Variants in SLC13A1 observed in about 807,000 individuals in gnomAD.
The protein encoded by SLC13A1 is Na(+)/sulfate cotransporter.
A neutral mutation model predicts 70.0 loss-of-function variants in SLC13A1; 65 were observed. The observed-to-expected ratio is 0.93, with a 90% CI of 0.76 to 1.14. The LOEUF (loss-of-function observed/expected upper bound fraction) is 1.14. Ranked by LOEUF, SLC13A1 falls within the 50% of genes most tolerant of loss-of-function variation. The probability of loss-of-function intolerance (pLI) is 0.00; values close to 1 mark genes in which losing one functional copy is unlikely to be tolerated. For missense variants in SLC13A1, 726 were observed against 717.8 expected (o/e 1.01, Z -0.13); for synonymous variants, 275 against 250.5 (o/e 1.10, Z -0.92).
chr7:123,129,998 C>T (rs76503057), intron 8 of SLC13A1, among the ~76,000 whole-genome samples: 6,941 of 152,222 alleles, frequency 0.046, 246 homozygotes, highest in East Asian at 0.092. Flanking sequence ...TACCTCTGAA[C>T]ATACACAGTA....
At chr7:123,187,835 G>C (rs957986929) in intron 1 of SLC13A1, among the ~76,000 whole-genome samples, 6 of 151,928 alleles carry the variant, frequency 3.9e-5, no homozygotes, top group Non-Finnish European at 8.8e-5. Context: ...ACTGATGTTT[G>C]TTTGGATTTT....
At chr7:123,163,299 A>G (rs543318247) in intron 6 of SLC13A1, among the ~76,000 whole-genome samples, 1 of 152,082 alleles carries the variant, frequency 6.6e-6, no homozygotes, top group South Asian at 2.1e-4. Flanking sequence ...AGCTACTTTT[A>G]GGGGGTAATG....
In SLC13A1 at chr7:123,119,185, C is replaced by T; in HGVS notation, c.1408G>A (p.Ala470Thr). Residue 470 changes from alanine (A) to threonine (T), a missense_variant, in exon 13 of 15, where the codon GCA becomes ACA. Coordinates refer to ENST00000194130, the MANE Select transcript of SLC13A1 (RefSeq NM_022444.4). Reference protein sequence around the residue: ...NKLSPLGSLPAWLIILISSLM... With the variant: ...NKLSPLGSLPTWLIILISSLM... ...GAAGATATCAGAATTATTAGCCATG[C>T]TGGTAATGAACCCAGAGGAGATAAT... 6.2e-7 allele frequency: 1 copy of T among 1,612,660 alleles called. No individual in the cohort carries two copies. Among genetic ancestry groups the T allele is most frequent in the South Asian group, 1.1e-5 (1 of 91,032 alleles).
intron 4 of SLC13A1, 121 bp from the exon 5 acceptor site, chr7:123,168,682 C>G: frequency 2.9e-6 from 2 of 688,608 alleles, no homozygotes; most frequent in South Asian, 3.9e-5. Context: ...TCACTGTGTA[C>G]TAACATAACA....
chr7:123,127,242 C>T (rs1793591182), intron 10 of SLC13A1, among the ~76,000 whole-genome samples: 2 of 152,194 alleles, frequency 1.3e-5, no homozygotes, highest in Non-Finnish European at 2.9e-5. Flanking sequence ...ATTGTTTTCT[C>T]TCAGAATTGT....
At chr7:123,149,444 C>T (rs1216787985) in intron 6 of SLC13A1, 1 of 456,276 alleles carries the variant, frequency 2.2e-6, no homozygotes. Flanking sequence ...TCTATCTCAC[C>T]TTGTTAAGTA....
In SLC13A1 at chr7:123,129,531, T is replaced by A. The variant is rs28364203; in HGVS notation, c.933-50A>T. The A allele has an allele frequency of 7.1e-4, 959 of 1,345,796 alleles. 13 individuals carry two copies. In the East Asian group the frequency reaches 0.02, roughly 28 times the overall value. The allele number at this position is 1,345,796 out of a possible 1,614,324, so 83.4% of individuals were successfully genotyped here. A position where few individuals can be genotyped will look rare whatever the true frequency, so the allele number is the denominator to read the frequency against. On this transcript the variant is annotated intron_variant, in intron 8 of 14. Transcript: ENST00000194130. ...AGCAAGAAATTCTTTTACTACCACC[T>A]CCCTGTAAGGAAGATATTTTTGTAA...
At chr7:123,178,160 ACTTTAGATTT>A (rs1397881483) in intron 2 of SLC13A1, among the ~76,000 whole-genome samples, 3 of 152,106 alleles carry the variant, frequency 2.0e-5, no homozygotes, top group African/African-American at 7.2e-5. Context: ...TACTCTAAAT[ACTTTAGATTT>A]CTGGTTTAGT....
intron 12 of SLC13A1, among the ~76,000 whole-genome samples, chr7:123,122,727 C>G (rs1793425713): frequency 6.6e-6 from 1 of 151,882 alleles, no homozygotes; most frequent in Non-Finnish European, 1.5e-5. Context: ...TCATGATATA[C>G]TGAAGTCCAA....
At chr7:123,189,514 A>ATAG (rs1795931172) in intron 1 of SLC13A1, among the ~76,000 whole-genome samples, 1 of 152,156 alleles carries the variant, frequency 6.6e-6, no homozygotes, top group Non-Finnish European at 1.5e-5. Context: ...AATTGCCTTA[A>ATAG]TAGTGTTAGA....
chr7:123,174,154 G>C (rs1387617973), intron 2 of SLC13A1, among the ~76,000 whole-genome samples: 1 of 151,866 alleles, frequency 6.6e-6, no homozygotes, highest in East Asian at 1.9e-4. Context: ...TCAACTTTAT[G>C]GGACTAAAAT....
In SLC13A1 at chr7:123,168,364, A is replaced by G; in HGVS notation, c.660+10T>C. On this transcript the variant is annotated intron_variant, in intron 6 of 14. Transcript: ENST00000194130. Reference sequence around the variant, plus strand: ...TATATAATTATTTAGAAAGAATCAAATTTATGTACCTTTTCCAACTCCACC... The same window carrying G: ...TATATAATTATTTAGAAAGAATCAAGTTTATGTACCTTTTCCAACTCCACC... 1.3e-6 allele frequency: 2 copies of G among 1,541,988 alleles called. No homozygotes were observed. Among genetic ancestry groups the G allele is most frequent in the Non-Finnish European group, 1.8e-6 (2 of 1,123,570 alleles).
At position 123,132,206 on chromosome 7, in the gene SLC13A1, T is replaced by C. The variant is rs542748279; in HGVS notation, c.932+2204A>G. On this transcript the variant is annotated intron_variant, in intron 8 of 14. Transcript: ENST00000194130. ...TGCTCCCACAATCTGGATAGAATTA[T>C]CTTTTTAATCATCAGTACCATCTTC... 2.0e-5 allele frequency among the ~76,000 whole-genome samples: 3 copies of C among 152,270 alleles called. No individual in the cohort carries two copies. In the South Asian group the frequency reaches 6.2e-4, roughly 32 times the overall value.
At chr7:123,171,025 A>G (rs767728777) in intron 3 of SLC13A1, among the ~76,000 whole-genome samples, 6 of 152,170 alleles carry the variant, frequency 3.9e-5, no homozygotes, top group Non-Finnish European at 8.8e-5. Flanking sequence ...TACGCCCTAG[A>G]ATGAATTATG....
At chr7:123,120,157 G>A (rs1162533839) in intron 12 of SLC13A1, among the ~76,000 whole-genome samples, 1 of 151,710 alleles carries the variant, frequency 6.6e-6, no homozygotes, top group East Asian at 1.9e-4. Flanking sequence ...TGTTGTTCTG[G>A]GACCCCTTTT....
At chr7:123,130,150 C>T (rs890057794) in intron 8 of SLC13A1, among the ~76,000 whole-genome samples, 3 of 152,074 alleles carry the variant, frequency 2.0e-5, no homozygotes, top group Non-Finnish European at 4.4e-5. Context: ...CTAAACTAAG[C>T]CTAGTCTTAG....
At chr7:123,175,644 G>A (rs979045010) in intron 2 of SLC13A1, among the ~76,000 whole-genome samples, 3 of 152,112 alleles carry the variant, frequency 2.0e-5, no homozygotes, top group African/African-American at 7.2e-5. Context: ...ATCTGCCAGT[G>A]CCTTGATCTT....
At position 123,176,153 on chromosome 7, in the gene SLC13A1, C is replaced by T. The variant is rs146817380; in HGVS notation, c.229-4249G>A. Among the ~76,000 whole-genome samples, 1,268 of 152,310 alleles carry T rather than the reference C, an allele frequency of 8.3e-3. 18 individuals carry two copies. Among genetic ancestry groups the T allele is most frequent in the African/African-American group, 0.028 (1,177 of 41,564 alleles). Reference sequence around the variant, plus strand: ...CTCAATAGACCATGCAAACAAACTACAGCCTGCAGTCCAAATAAAATTAGT... The same window carrying T: ...CTCAATAGACCATGCAAACAAACTATAGCCTGCAGTCCAAATAAAATTAGT... On this transcript the variant is annotated intron_variant, in intron 2 of 14. Coordinates refer to ENST00000194130, the MANE Select transcript of SLC13A1 (RefSeq NM_022444.4).
At chr7:123,195,021 A>G (rs1415089951) in intron 1 of SLC13A1, among the ~76,000 whole-genome samples, 2 of 152,160 alleles carry the variant, frequency 1.3e-5, no homozygotes, top group African/African-American at 4.8e-5. Flanking sequence ...TATTTGTCAT[A>G]CTATATAATG....
Sources: gnomAD v4.1 joint callset for allele counts (sites outside exome capture counted in the v4.1 genomes callset) on GRCh38, gnomAD v4.1.1 for gene constraint, MANE v1.5 for transcripts, NCBI Gene and HGNC (gene_info 2026-07-23, HGNC 2026-07-21) for gene names.